Variants in ACVRL1 observed in about 807,000 individuals in gnomAD.
ACVRL1 encodes activin receptor type-1-like.
A neutral mutation model predicts 51.9 loss-of-function variants in ACVRL1; 20 were observed. The ratio of observed to expected loss-of-function variants is 0.39; its 90% CI spans 0.27 to 0.56. ACVRL1 has a LOEUF of 0.56. Among genes scored for constraint, ACVRL1 ranks in the 20% least tolerant of loss-of-function variants. The pLI, the probability that ACVRL1 is intolerant of heterozygous loss-of-function variation, is 0.67. For synonymous variants in ACVRL1, 288 were observed against 280.9 expected (o/e 1.03, Z -0.25); for missense variants, 451 against 670.3 (o/e 0.67, Z 3.61).
intron 6 of ACVRL1, 122 bp from the exon 7 acceptor site, chr12:51,915,103 C>G: frequency 8.8e-7 from 1 of 1,140,796 alleles, no homozygotes; most frequent in East Asian, 2.5e-5. Flanking sequence ...CCCCCACCCC[C>G]AGACCTAGCT....
chr12:51,913,578 G>T lies in ACVRL1; in HGVS notation c.333G>T (p.Glu111Asp). ...LVLEATQPPS[E>D]QPGTDGQLAL... ...CCTCAGCCACCCAACCTCCTTCGGA[G>T]CAGCCGGGAACAGATGGCCAGCTGG... Residue 111 changes from glutamate to aspartate, a missense_variant, in exon 4 of 10, where the codon GAG becomes GAT. This residue lies in a region of ACVRL1 where 192 missense variants were observed against 216.9 expected (regional missense o/e 0.89). Coordinates refer to ENST00000388922, the MANE Select transcript of ACVRL1 (RefSeq NM_000020.3). 1 of 1,598,858 alleles carries T rather than the reference G, an allele frequency of 6.3e-7. No homozygotes were observed.
intron 2 of ACVRL1, among the ~76,000 whole-genome samples, chr12:51,912,879 C>G (rs1393396067): frequency 6.6e-6 from 1 of 151,974 alleles, no homozygotes; most frequent in African/African-American, 2.4e-5. Flanking sequence ...AGGGGAGGAC[C>G]TAGGAGCCAG....
At chr12:51,913,441 G>T in intron 3 of ACVRL1, 91 bp downstream of exon 3, 2 of 1,545,452 alleles carry the variant, frequency 1.3e-6, no homozygotes, top group East Asian at 2.4e-5. Context: ...CCAATAAAGG[G>T]GCTGGGGGCG....
intron 2 of ACVRL1, 73 bp downstream of exon 2, chr12:51,912,608 T>A: frequency 1.6e-6 from 2 of 1,289,046 alleles, no homozygotes; most frequent in Non-Finnish European, 2.2e-6. Context: ...AGATCAGCTC[T>A]GCCTGGGGCT....
upstream of ACVRL1, chr12:51,907,022 C>T (rs1047831624): frequency 6.6e-6 from 1 of 152,090 alleles, no homozygotes; most frequent in African/African-American, 2.4e-5. This position sits in a 1 kb window ranked among gnomAD's most constrained non-coding sequence, Gnocchi z 4.5. Flanking sequence ...CCTCCCCGTC[C>T]CACCCCCGCC....
Position 51,917,225 on chromosome 12 carries a change from C to G in ACVRL1, c.1246+992C>G, listed in dbSNP as rs1354586157. On this transcript the variant is annotated intron_variant, in intron 8 of 9. Transcript: ENST00000388922. This position sits in a 1 kb window ranked among gnomAD's most constrained non-coding sequence, Gnocchi z 4.2. ...GGCAGTCTGCCCCGGGGCCAGTGCTCATCATCACTGTGTGCACTTAAACCT... is the reference window on the plus strand; with the variant it reads ...GGCAGTCTGCCCCGGGGCCAGTGCTGATCATCACTGTGTGCACTTAAACCT... Among the ~76,000 whole-genome samples the G allele has an allele frequency of 1.3e-5, 2 of 152,200 alleles. No homozygotes were observed. The highest frequency in any genetic ancestry group is 2.9e-5 in the Non-Finnish European group (2 of 68,036).
At chr12:51,919,383 G>GTGTA in intron 9 of ACVRL1, 1 of 490,312 alleles carries the variant, frequency 2.0e-6, no homozygotes, top group Non-Finnish European at 3.7e-6. Flanking sequence ...GTGTGTGTGT[G>GTGTA]TGTGTGTGTG....
chr12:51,915,962 C>T, intron 7 of ACVRL1, 74 bp from the exon 8 acceptor site: 1 of 1,523,164 alleles, frequency 6.6e-7, no homozygotes. Context: ...CTGTTTCTCT[C>T]AGTCCCCACC....
rs1268297127 is a variant in ACVRL1, at chr12:51,913,212, G to A, written c.175G>A (p.Glu59Lys). ...GTGCACAGTAGTGCTGGTGCGGGAGGAGGGGAGGCACCCCCAGGAACATCG... is the reference window on the plus strand; with the variant it reads ...GTGCACAGTAGTGCTGGTGCGGGAGAAGGGGAGGCACCCCCAGGAACATCG... ...AWCTVVLVRE[E>K]GRHPQEHRGC... is the part of the protein sequence containing the mutation. Residue 59 changes from glutamate to lysine, a missense_variant, in exon 3 of 10, where the codon GAG becomes AAG. This residue lies in a region of ACVRL1 where 192 missense variants were observed against 216.9 expected (regional missense o/e 0.89). Coordinates refer to ENST00000388922, the MANE Select transcript of ACVRL1 (RefSeq NM_000020.3). 2 of 1,590,736 alleles carry A rather than the reference G, an allele frequency of 1.3e-6. No individual in the cohort carries two copies. The highest frequency in any genetic ancestry group is 1.8e-5 in the Admixed American group (1 of 55,594).
chr12:51,920,251 C>T (rs1183446854), intron 9 of ACVRL1, among the ~76,000 whole-genome samples: 2 of 152,226 alleles, frequency 1.3e-5, no homozygotes, highest in African/African-American at 4.8e-5. Flanking sequence ...TGGGCCCAGC[C>T]ATGGCTGATG....
At chr12:51,912,043 G>C (rs1289043290) in intron 1 of ACVRL1, among the ~76,000 whole-genome samples, 2 of 152,150 alleles carry the variant, frequency 1.3e-5, no homozygotes, top group African/African-American at 2.4e-5. Flanking sequence ...GCCAGGGCTG[G>C]GGGGGCATTG....
chr12:51,921,223 C>A lies in ACVRL1; in HGVS notation c.*330C>A, dbSNP rs557229829. 2.8e-4 allele frequency: 109 copies of A among 382,990 alleles called. 1 individual carries two copies. Among genetic ancestry groups the A allele is most frequent in the South Asian group, 2.1e-3 (100 of 47,166 alleles). 23.7% of individuals were successfully genotyped at this position (382,990 alleles called of 1,614,324 possible). A position where few individuals can be genotyped will look rare whatever the true frequency, so the allele number is the denominator to read the frequency against. On this transcript the variant is annotated 3_prime_UTR_variant, in exon 10 of 10. Coordinates refer to ENST00000388922, the MANE Select transcript of ACVRL1 (RefSeq NM_000020.3). ...GAGTGCCAAGCCAGGGAATCCCAGT[C>A]CCAGACTCAGAGCCCGGGCCTGCAC...
Position 51,915,930 on chromosome 12 carries a change from C to T in ACVRL1, c.1049-106C>T, listed in dbSNP as rs901473811. 8 of 1,284,792 alleles carry T rather than the reference C, an allele frequency of 6.2e-6. No homozygotes were observed. The African/African-American group carries it at 8.8e-5, about 14-fold the overall frequency. The allele number at this position is 1,284,792 out of a possible 1,614,324, so 79.6% of individuals were successfully genotyped here. On this transcript the variant is annotated intron_variant, in intron 7 of 9. Coordinates refer to ENST00000388922, the MANE Select transcript of ACVRL1 (RefSeq NM_000020.3). ...AGCCCATCTCCGTGCACGTCTCCAT[C>T]TGCCTTCCCCTCTCTGTCCCACTGT...
chr12:51,915,772 G>A (rs1940822816), intron 7 of ACVRL1: 1 of 643,534 alleles, frequency 1.6e-6, no homozygotes, highest in South Asian at 2.0e-5. Context: ...CAGCCTCCAG[G>A]TCTGCTCTGT....
At chr12:51,916,290 G>A in intron 8 of ACVRL1, 57 bp downstream of exon 8, 1 of 1,577,562 alleles carries the variant, frequency 6.3e-7, no homozygotes, top group Non-Finnish European at 8.6e-7. Flanking sequence ...GGAGCCAGGG[G>A]CTTCCAGCCA....
At chr12:51,913,404 C>A in intron 3 of ACVRL1, 54 bp downstream of exon 3, 1 of 1,594,958 alleles carries the variant, frequency 6.3e-7, no homozygotes, top group South Asian at 1.1e-5. Flanking sequence ...CCTGCCCTCC[C>A]TTCCCTCCTT....
At chr12:51,908,815 C>G (rs1166606553) in intron 1 of ACVRL1, among the ~76,000 whole-genome samples, 2 of 152,214 alleles carry the variant, frequency 1.3e-5, no homozygotes, top group African/African-American at 4.8e-5. Context: ...TTTCATACCT[C>G]TAAGTGGCAA....
chr12:51,915,841 T>C (rs553254762), intron 7 of ACVRL1, 195 bp from the exon 8 acceptor site: 4 of 666,242 alleles, frequency 6.0e-6, no homozygotes, highest in African/African-American at 5.4e-5. Flanking sequence ...CTTGGGAACC[T>C]AGAGAGCACT....
At position 51,912,537 on chromosome 12, in the gene ACVRL1, TGAGTACTGGGG is replaced by T; in HGVS notation, c.61+6_61+16del. 1 of 1,610,590 alleles carries T rather than the reference TGAGTACTGGGG, an allele frequency of 6.2e-7. No individual in the cohort carries two copies. Among genetic ancestry groups the T allele is most frequent in the Non-Finnish European group, 8.5e-7 (1 of 1,176,970 alleles). On this transcript the variant is annotated splice_donor_5th_base_variant and intron_variant, in intron 2 of 9. Transcript: ENST00000388922. Reference sequence around the variant, plus strand: ...TGCTGATGGCCTTGGTGACCCAGGGTGAGTACTGGGGGAGCAGTTAGGAAACAGGAACCTGG... The same window carrying T: ...TGCTGATGGCCTTGGTGACCCAGGGTGAGCAGTTAGGAAACAGGAACCTGG...
Sources: allele counts gnomAD v4.1 joint callset (sites outside exome capture counted in the v4.1 genomes callset), GRCh38; gene constraint gnomAD v4.1.1; regional missense constraint gnomAD v4.1.1; non-coding constraint Gnocchi (gnomAD v3.1); transcripts MANE v1.5; gene names NCBI Gene and HGNC (gene_info 2026-07-23, HGNC 2026-07-21).